Variants in BAZ2A observed in about 807,000 individuals in gnomAD.
BAZ2A encodes the protein bromodomain adjacent to zinc finger domain 2A.
In BAZ2A, 34 loss-of-function variants were observed where a neutral mutation model predicts 199.9. The ratio of observed to expected loss-of-function variants is 0.17; its 90% CI spans 0.13 to 0.23. The LOEUF (loss-of-function observed/expected upper bound fraction) is 0.23. BAZ2A is among the 10% of genes least tolerant of loss of function. The probability of loss-of-function intolerance (pLI) is 1.00; values close to 1 mark genes in which losing one functional copy is unlikely to be tolerated. For synonymous variants in BAZ2A, 857 were observed against 883.9 expected, an observed-to-expected ratio of 0.97 and a Z score of 0.54; for missense variants, 2,002 against 2,391.1, an observed-to-expected ratio of 0.84 and a Z score of 3.39.
chr12:56,602,277 CTTTT>C (rs1413350134), intron 19 of BAZ2A, 85 bp from the exon 20 acceptor site: 2 of 1,214,728 alleles, frequency 1.6e-6, no homozygotes, highest in African/African-American at 3.1e-5. Context: ...CCTATACTTT[CTTTT>C]TCTCTTGGAC....
Position 56,613,950 on chromosome 12 carries a change from T to C in BAZ2A, c.916+3A>G. The C allele has an allele frequency of 2.5e-6, 4 of 1,612,976 alleles. No homozygotes were observed. Among genetic ancestry groups the C allele is most frequent in the East Asian group, 2.2e-5 (1 of 44,870 alleles). On this transcript the variant is annotated splice_donor_region_variant and intron_variant, in intron 4 of 28. Transcript: ENST00000549884. Reference sequence around the variant, plus strand: ...GTTAAAGGGACATAGCCTCCAAACCTACCTGGTGCCAGAGAGTTGAAGGGC... The same window carrying C: ...GTTAAAGGGACATAGCCTCCAAACCCACCTGGTGCCAGAGAGTTGAAGGGC...
In BAZ2A at chr12:56,615,057, G is replaced by A. The variant is rs770610142; in HGVS notation, c.687C>T (p.Gly229=). The change falls in exon 3 of 29, where the codon GGC becomes GGT. Residue 229 remains glycine (G), a synonymous_variant. Transcript: ENST00000549884. The part of the protein sequence containing the change: ...KEMTSVVAEN[G]TGLVGSLELE... ...GCTCCAAGCTGCCTACCAAGCCAGT[G>A]CCATTCTCTGCCACAACTGAAGTCA... 6.2e-7 allele frequency: 1 copy of A among 1,613,698 alleles called. No homozygotes were observed. Among genetic ancestry groups the A allele is most frequent in the South Asian group, 1.1e-5 (1 of 90,964 alleles).
chr12:56,621,300 A>ATG (rs1950913501), intron 1 of BAZ2A: 5 of 964,826 alleles, frequency 5.2e-6, no homozygotes, highest in Non-Finnish European at 6.2e-6. Flanking sequence ...TAATAACAAC[A>ATG]TGTCGATGGC....
rs1190104124 is a variant in BAZ2A at position 56,611,208 on chromosome 12, T to A, written c.1670+365A>T. ...AGAGCATTAAAACAACAAAACCACC[T>A]CAATTCATTAGTACTAAGTCACTCC... On this transcript the variant is annotated intron_variant, in intron 7 of 28. Coordinates refer to ENST00000549884, the MANE Select transcript of BAZ2A (RefSeq NM_001300905.2). 44 of 304,988 alleles carry A rather than the reference T, an allele frequency of 1.4e-4. No individual in the cohort carries two copies. The Admixed American group carries it at 2.1e-3, about 15-fold the overall frequency. 18.9% of individuals were successfully genotyped at this position (304,988 alleles called of 1,614,324 possible). A position where few individuals can be genotyped will look rare whatever the true frequency, so the allele number is the denominator to read the frequency against.
chr12:56,610,294 G>A, intron 8 of BAZ2A, 79 bp from the exon 9 acceptor site: 1 of 1,580,726 alleles, frequency 6.3e-7, no homozygotes. Flanking sequence ...AAGCAGAACA[G>A]GCCCAGAGCA....
rs1021085196 is a variant in BAZ2A, at chr12:56,600,269, A to G, written c.4824T>C (p.His1608=). ...RYLREPLWPT[H]EVVLEKALLS... is the part of the protein sequence containing the mutation. ...GCAGGGCCTTCTCCAGCACAACCTC[A>G]TGAGTTGGCCAGAGGGGCTCCCGCA... The change falls in exon 24 of 29, where the codon CAT becomes CAC. Residue 1608 remains histidine (H), a synonymous_variant. Coordinates refer to ENST00000549884, the MANE Select transcript of BAZ2A (RefSeq NM_001300905.2). 13 of 1,613,850 alleles carry G rather than the reference A, an allele frequency of 8.1e-6. No individual in the cohort carries two copies. The East Asian group carries it at 2.7e-4, about 33-fold the overall frequency.
rs536769794 is a variant in BAZ2A at position 56,622,504 on chromosome 12, CAT to C, written c.-2-4974_-2-4973del. On this transcript the variant is annotated intron_variant, in intron 1 of 28. Transcript: ENST00000549884. ...TGTCACAGTATGGGAATACGAAAAACATGTGAACACCTCCTCTCAACAATGAA... is the reference window on the plus strand; with the variant it reads ...TGTCACAGTATGGGAATACGAAAAACGTGAACACCTCCTCTCAACAATGAA... Among the ~76,000 whole-genome samples the C allele has an allele frequency of 7.9e-4, 120 of 152,230 alleles. 1 individual carries two copies. The highest frequency in any genetic ancestry group is 2.5e-3 in the African/African-American group (104 of 41,552).
intron 4 of BAZ2A, among the ~76,000 whole-genome samples, chr12:56,613,747 G>A (rs747939561): frequency 6.6e-6 from 1 of 152,198 alleles, no homozygotes; most frequent in Non-Finnish European, 1.5e-5. Context: ...GGAATACTGG[G>A]AAAGAACCTG....
chr12:56,606,300 G>A lies in BAZ2A; in HGVS notation c.2206C>T (p.Arg736Trp), dbSNP rs200795221. ...TTIQGQARNK[R>W]KQETKSLKQK... ...TTTAAGCTCTTGGTCTCTTGTTTCCGCTTATTTCTGGCCTGTAAACCATAA... is the reference window on the plus strand; with the variant it reads ...TTTAAGCTCTTGGTCTCTTGTTTCCACTTATTTCTGGCCTGTAAACCATAA... Residue 736 changes from arginine to tryptophan, a missense_variant, in exon 12 of 29, where the codon CGG becomes TGG. Arg to Trp is a moderately radical substitution (Grantham distance 101). Transcript: ENST00000549884. 64 of 1,613,692 alleles carry A rather than the reference G, an allele frequency of 4.0e-5. No homozygotes were observed. Among genetic ancestry groups the A allele is most frequent in the Non-Finnish European group, 5.2e-5 (61 of 1,179,878 alleles).
chr12:56,599,931 CCTCAGCCTCTCCAGGCTCT>C lies in BAZ2A; in HGVS notation c.5025+14_5025+32del, dbSNP rs769043363. 1.2e-6 allele frequency: 2 copies of C among 1,613,320 alleles called. No homozygotes were observed. The highest frequency in any genetic ancestry group is 1.7e-6 in the Non-Finnish European group (2 of 1,179,282). ...CCCACCCCGCCCCTGCTGGCTGGCC[CCTCAGCCTCTCCAGGCTCT>C]CTCAGCCTCTTACCACTTTGTTGAC... On this transcript the variant is annotated intron_variant, in intron 25 of 28. Coordinates refer to ENST00000549884, the MANE Select transcript of BAZ2A (RefSeq NM_001300905.2).
chr12:56,611,221 A>G, intron 7 of BAZ2A: 1 of 362,456 alleles, frequency 2.8e-6, no homozygotes, highest in Non-Finnish European at 5.1e-6. Flanking sequence ...ATTCATTAGT[A>G]CTAAGTCACT....
chr12:56,619,514 AAAAAAAAAAAAAG>A (rs1219447300), intron 1 of BAZ2A, among the ~76,000 whole-genome samples: 1 of 151,294 alleles, frequency 6.6e-6, no homozygotes, highest in East Asian at 1.9e-4. Context: ...GTCTCAAAAA[AAAAAAAAAAAAAG>A]AAAAGAAAAG....
rs1950334125 is a variant in BAZ2A at position 56,605,857 on chromosome 12, T to C, written c.2466A>G (p.Thr822=). ...QMILEEMKKP[T]EDMCLTDHQP... ...GGTGGTCAGTCAGACACATATCCTC[T>C]GTCGGCTTCTTCATTTCCTCCAAGA... Residue 822 remains threonine, a synonymous_variant, in exon 13 of 29, where the codon ACA becomes ACG. Coordinates refer to ENST00000549884, the MANE Select transcript of BAZ2A (RefSeq NM_001300905.2). The C allele has an allele frequency of 3.1e-6, 5 of 1,608,220 alleles. No individual in the cohort carries two copies. In the East Asian group the frequency reaches 1.1e-4, roughly 36 times the overall value.
chr12:56,632,259 T>TA (rs1191413610), upstream of BAZ2A, among the ~76,000 whole-genome samples: 1 of 152,054 alleles, frequency 6.6e-6, no homozygotes, highest in African/African-American at 2.4e-5. Flanking sequence ...TATCCCCAAA[T>TA]AAAAAATTAA....
At chr12:56,631,477 G>A (rs1951309777), upstream of BAZ2A, among the ~76,000 whole-genome samples, 1 of 147,822 alleles carries the variant, frequency 6.8e-6, no homozygotes, top group Non-Finnish European at 1.5e-5. Flanking sequence ...AAAAATTCTA[G>A]TTCAACCTTC....
At chr12:56,616,440 C>T (rs1950725327) in intron 2 of BAZ2A, among the ~76,000 whole-genome samples, 2 of 152,194 alleles carry the variant, frequency 1.3e-5, no homozygotes, top group South Asian at 4.1e-4. Context: ...AATTTGCAGT[C>T]ACCACAGCGA....
upstream of BAZ2A, chr12:56,636,769 C>A (rs554511231): frequency 6.5e-6 from 1 of 153,498 alleles, no homozygotes; most frequent in Non-Finnish European, 1.5e-5. Flanking sequence ...TCCACACCCC[C>A]ATAACTCAGC....
upstream of BAZ2A, chr12:56,630,420 T>C (rs1259149369): frequency 1.0e-5 from 4 of 395,130 alleles, no homozygotes; most frequent in East Asian, 3.2e-4. Context: ...CCAGCCCATC[T>C]TTCCGACCCG....
At chr12:56,614,188 GT>G in intron 3 of BAZ2A, 50 bp from the exon 4 acceptor site, 1 of 1,561,578 alleles carries the variant, frequency 6.4e-7, no homozygotes, top group East Asian at 2.3e-5. Context: ...CCTTATATTG[GT>G]TCACTTAGCT....
Sources: allele counts gnomAD v4.1 joint callset (sites outside exome capture counted in the v4.1 genomes callset), GRCh38; gene constraint gnomAD v4.1.1; transcripts MANE v1.5; gene names NCBI Gene and HGNC (gene_info 2026-07-23, HGNC 2026-07-21).